Variants in CMTM8 observed in about 807,000 individuals in gnomAD.
CMTM8 encodes the protein CKLF like MARVEL transmembrane domain containing 8, also known as CKLF-like MARVEL transmembrane domain-containing protein 8.
Under a neutral mutation model 18.6 loss-of-function variants are expected in CMTM8, and 12 were observed. The ratio of observed to expected loss-of-function variants is 0.65; its 90% CI spans 0.41 to 1.05. The LOEUF (loss-of-function observed/expected upper bound fraction) is 1.05, where lower values mean the gene tolerates loss of function less well. CMTM8 is among the 50% of genes least tolerant of loss of function. The probability of loss-of-function intolerance (pLI) is 0.00; values close to 1 mark genes in which losing one functional copy is unlikely to be tolerated. For synonymous variants in CMTM8, 87 were observed against 90.6 expected (o/e 0.96, Z 0.23); for missense variants, 217 against 227.2 (o/e 0.95, Z 0.29).
intron 1 of CMTM8, among the ~76,000 whole-genome samples, chr3:32,355,259 A>C (rs76990042): frequency 0.1 from 15,367 of 152,234 alleles, 1,002 homozygotes; most frequent in Middle Eastern, 0.2. Context: ...AAGGTCCCCA[A>C]CTACCTCAGA....
At chr3:32,282,525 C>T (rs2125550722) in intron 1 of CMTM8, among the ~76,000 whole-genome samples, 1 of 152,268 alleles carries the variant, frequency 6.6e-6, no homozygotes, top group South Asian at 2.1e-4. Context: ...TTCTTACCAC[C>T]TGCAGTATTA....
chr3:32,260,140 CATGCAAA>C, intron 1 of CMTM8: 1 of 1,098,198 alleles, frequency 9.1e-7, no homozygotes, highest in Non-Finnish European at 1.4e-6. Flanking sequence ...GCAGCAACTC[CATGCAAA>C]CCATCCAAAA....
At chr3:32,346,131 G>A (rs1380322189) in intron 1 of CMTM8, among the ~76,000 whole-genome samples, 1 of 152,154 alleles carries the variant, frequency 6.6e-6, no homozygotes, top group Non-Finnish European at 1.5e-5. Flanking sequence ...TCCAGCCTGG[G>A]CAACAAGAGT....
rs59411418 is a variant in CMTM8, at chr3:32,316,666, A to AT, written c.148-40698dup. Among the ~76,000 whole-genome samples the AT allele has an allele frequency of 1.1e-4, 17 of 151,772 alleles. No individual in the cohort carries two copies. In the East Asian group the frequency reaches 1.2e-3, roughly 10 times the overall value. ...CATAAAAGATCCTGCTTGTTTGGGG[A>AT]TTTTTTTTTCCCCCTAAAACAGCAG... On this transcript the variant is annotated intron_variant, in intron 1 of 3. Coordinates refer to ENST00000307526, the MANE Select transcript of CMTM8 (RefSeq NM_178868.5).
intron 1 of CMTM8, among the ~76,000 whole-genome samples, chr3:32,352,891 A>C (rs1288957044): frequency 6.9e-6 from 1 of 145,586 alleles, no homozygotes; most frequent in South Asian, 2.2e-4. Flanking sequence ...TTTTTTTTTA[A>C]TCAGGTTTTT....
intron 3 of CMTM8, among the ~76,000 whole-genome samples, chr3:32,368,612 C>T (rs1206248576): frequency 1.3e-5 from 2 of 151,964 alleles, no homozygotes; most frequent in Non-Finnish European, 2.9e-5. Flanking sequence ...AATCCTGCAC[C>T]ACCATGCCCA....
chr3:32,315,322 G>GT (rs1429767302), intron 1 of CMTM8, among the ~76,000 whole-genome samples: 1 of 152,050 alleles, frequency 6.6e-6, no homozygotes, highest in African/African-American at 2.4e-5. Context: ...TAGAGGCGAG[G>GT]TTTTACCATG....
chr3:32,316,733 A>G (rs1288202942), intron 1 of CMTM8, among the ~76,000 whole-genome samples: 5 of 152,126 alleles, frequency 3.3e-5, no homozygotes, highest in African/African-American at 1.2e-4. Context: ...GGGAAATAAT[A>G]TTTGGGAGTG....
chr3:32,366,070 C>T (rs1041551441), intron 2 of CMTM8, among the ~76,000 whole-genome samples: 9 of 152,090 alleles, frequency 5.9e-5, no homozygotes, highest in African/African-American at 1.7e-4. Context: ...AGGCATTCCC[C>T]GGACATGTTT....
intron 1 of CMTM8, among the ~76,000 whole-genome samples, chr3:32,346,939 G>T (rs574591045): frequency 6.6e-6 from 1 of 151,538 alleles, no homozygotes; most frequent in East Asian, 1.9e-4. Flanking sequence ...TCCCACCTCA[G>T]GCTCCTGAGT....
chr3:32,239,192 G>A (rs2125524254), intron 1 of CMTM8, 73 bp downstream of exon 1: 1 of 1,503,184 alleles, frequency 6.7e-7, no homozygotes, highest in East Asian at 2.5e-5. Context: ...GTGCTTCTCG[G>A]GATGGAGCCT....
At chr3:32,329,251 A>G (rs567980089) in intron 1 of CMTM8, among the ~76,000 whole-genome samples, 49 of 152,190 alleles carry the variant, frequency 3.2e-4, no homozygotes, top group African/African-American at 1.2e-3. Context: ...TTTTTAGTAG[A>G]GGTGGAGTTT....
chr3:32,285,069 A>T (rs1041387836), intron 1 of CMTM8, among the ~76,000 whole-genome samples: 7 of 152,194 alleles, frequency 4.6e-5, no homozygotes, highest in African/African-American at 1.7e-4. Context: ...GAAATTCCTC[A>T]GGGAGGGTAG....
At chr3:32,361,286 G>GTTTGTTTTTTTTTTTTGT (rs140270969) in intron 2 of CMTM8, among the ~76,000 whole-genome samples, 2 of 87,230 alleles carry the variant, frequency 2.3e-5, no homozygotes, top group African/African-American at 8.0e-5. Context: ...CAGCCTAAGA[G>GTTTGTTTTTTTTTTTTGT]TTTTTTTTTC....
At chr3:32,292,519 A>C (rs542234159) in intron 1 of CMTM8, among the ~76,000 whole-genome samples, 16 of 152,320 alleles carry the variant, frequency 1.1e-4, no homozygotes, top group Admixed American at 1.0e-3. Flanking sequence ...AAAGCTGTGC[A>C]CAGAAATCTT....
intron 1 of CMTM8, among the ~76,000 whole-genome samples, chr3:32,267,396 A>G (rs1474664909): frequency 2.0e-5 from 3 of 152,364 alleles, no homozygotes; most frequent in East Asian, 3.9e-4. Flanking sequence ...CTGACTAGCC[A>G]TATGTAGAAA....
chr3:32,286,395 T>C (rs1702687219), intron 1 of CMTM8, among the ~76,000 whole-genome samples: 1 of 152,194 alleles, frequency 6.6e-6, no homozygotes, highest in Non-Finnish European at 1.5e-5. Context: ...ATGGGCACTG[T>C]CACTTTTGGC....
At chr3:32,333,428 C>T (rs1696319763) in intron 1 of CMTM8, among the ~76,000 whole-genome samples, 1 of 152,182 alleles carries the variant, frequency 6.6e-6, no homozygotes, top group South Asian at 2.1e-4. Context: ...TCTTAGGCCT[C>T]ATCCCAGACC....
chr3:32,287,411 A>G (rs946887392), intron 1 of CMTM8, among the ~76,000 whole-genome samples: 6 of 152,234 alleles, frequency 3.9e-5, no homozygotes, highest in Non-Finnish European at 8.8e-5. Context: ...TTAAGGACCA[A>G]TGTGATACTG....
Sources: allele counts gnomAD v4.1 joint callset (sites outside exome capture counted in the v4.1 genomes callset), GRCh38; gene constraint gnomAD v4.1.1; transcripts MANE v1.5; gene names NCBI Gene and HGNC (gene_info 2026-07-23, HGNC 2026-07-21).